The following RBMS3 variants were observed in gnomAD, a reference collection of about 807,000 sequenced individuals.
RBMS3 encodes RNA-binding motif, single-stranded-interacting protein 3.
In RBMS3, 27 loss-of-function variants were observed where a neutral mutation model predicts 66.8. That is an observed-to-expected ratio of 0.40 (90% CI 0.30 to 0.56). The LOEUF (loss-of-function observed/expected upper bound fraction) is 0.56. RBMS3 is among the 20% of genes least tolerant of loss of function. The pLI, the probability that RBMS3 is intolerant of heterozygous loss-of-function variation, is 0.40. For missense variants in RBMS3, 513 were observed against 549.5 expected, an observed-to-expected ratio of 0.93 and a Z score of 0.66; for synonymous variants, 188 against 183.0, an observed-to-expected ratio of 1.03 and a Z score of -0.22.
intron 4 of RBMS3, among the ~76,000 whole-genome samples, chr3:29,666,558 A>G (rs938166179): frequency 1.3e-5 from 2 of 152,202 alleles, no homozygotes; most frequent in Non-Finnish European, 2.9e-5. Flanking sequence ...TGGGTTAATG[A>G]GAAAGCTAAC....
At chr3:29,669,092 G>A (rs943536766) in intron 4 of RBMS3, among the ~76,000 whole-genome samples, 1 of 152,220 alleles carries the variant, frequency 6.6e-6, no homozygotes, top group Non-Finnish European at 1.5e-5. Context: ...CGCCCTCTGG[G>A]TAGGCTTGCT....
intron 6 of RBMS3, among the ~76,000 whole-genome samples, chr3:29,787,471 G>A (rs1385011100): frequency 6.7e-6 from 1 of 150,040 alleles, no homozygotes; most frequent in Non-Finnish European, 1.5e-5. Context: ...AGAAAATGTG[G>A]TATATATACG....
intron 3 of RBMS3, among the ~76,000 whole-genome samples, chr3:29,505,439 A>G (rs981425492): frequency 6.6e-6 from 1 of 150,490 alleles, no homozygotes; most frequent in Non-Finnish European, 1.5e-5. Context: ...TGCCAGTACC[A>G]TACTCTGTTT....
At position 29,711,458 on chromosome 3, in the gene RBMS3, G is replaced by A. The variant is rs933683088; in HGVS notation, c.400-28262G>A. On this transcript the variant is annotated intron_variant, in intron 4 of 14. Coordinates refer to ENST00000383767, the MANE Select transcript of RBMS3 (RefSeq NM_001003793.3). ...GGACTTGGCCTGAGTATGAATAACTGGGTCATGTTCTTGACCTCCAAGAAA... is the reference window on the plus strand; with the variant it reads ...GGACTTGGCCTGAGTATGAATAACTAGGTCATGTTCTTGACCTCCAAGAAA... Among the ~76,000 whole-genome samples the A allele has an allele frequency of 5.9e-5, 9 of 152,270 alleles. No homozygotes were observed. The East Asian group carries it at 1.7e-3, about 29-fold the overall frequency.
chr3:29,881,652 T>C (rs2059739572), intron 7 of RBMS3, among the ~76,000 whole-genome samples: 1 of 152,186 alleles, frequency 6.6e-6, no homozygotes, highest in South Asian at 2.1e-4. Flanking sequence ...ACATAGATTT[T>C]TTCCTTAACA....
intron 6 of RBMS3, among the ~76,000 whole-genome samples, chr3:29,814,915 G>C (rs548293183): frequency 6.6e-6 from 1 of 152,264 alleles, no homozygotes; most frequent in East Asian, 1.9e-4. Context: ...CCTCTCATCT[G>C]CTCTTCCTTG....
intron 3 of RBMS3, among the ~76,000 whole-genome samples, chr3:29,510,742 G>C (rs981612176): frequency 6.6e-6 from 1 of 152,090 alleles, no homozygotes; most frequent in Admixed American, 6.5e-5. Context: ...TTTTGGATTA[G>C]GGATGCTCAA....
intron 1 of RBMS3, among the ~76,000 whole-genome samples, chr3:29,320,792 G>A (rs1340488712): frequency 1.3e-5 from 2 of 151,860 alleles, no homozygotes; most frequent in African/African-American, 2.4e-5. Context: ...GCTATTAAGA[G>A]GTACAGAAAT....
At position 29,928,186 on chromosome 3, in the gene RBMS3, A is replaced by G. The variant is rs975477570; in HGVS notation, c.940-7900A>G. ...GTCTGCTCCTCTTCAAATTTTATAT[A>G]TATATATATATATATATATATATAT... is the stretch of plus-strand genomic sequence containing the variant. On this transcript the variant is annotated intron_variant, in intron 10 of 14. Coordinates refer to ENST00000383767, the MANE Select transcript of RBMS3 (RefSeq NM_001003793.3). Among the ~76,000 whole-genome samples, 350 of 86,778 alleles carry G rather than the reference A, an allele frequency of 4.0e-3. 4 individuals are homozygous for G. Among genetic ancestry groups the G allele is most frequent in the Middle Eastern group, 0.013 (2 of 152 alleles). The allele number at this position is 86,778 out of a possible 152,430, so 56.9% of individuals were successfully genotyped here. A position where few individuals can be genotyped will look rare whatever the true frequency, so the allele number is the denominator to read the frequency against.
intron 4 of RBMS3, among the ~76,000 whole-genome samples, chr3:29,659,156 G>A (rs1343118786): frequency 2.6e-5 from 4 of 152,122 alleles, no homozygotes; most frequent in Admixed American, 2.6e-4. Flanking sequence ...TGAGAAATAA[G>A]TTATATAGAA....
At chr3:29,997,094 C>T (rs201470117) in intron 14 of RBMS3, among the ~76,000 whole-genome samples, 11,857 of 149,578 alleles carry the variant, frequency 0.079, 807 homozygotes, top group East Asian at 0.18. Context: ...ATATCACCAC[C>T]GATCCCACAG....
chr3:29,535,308 T>A (rs898747310), intron 3 of RBMS3, among the ~76,000 whole-genome samples: 4 of 152,194 alleles, frequency 2.6e-5, no homozygotes, highest in African/African-American at 9.6e-5. Context: ...GTTTTCATCT[T>A]GATAATTTGT....
At chr3:29,643,288 G>C (rs575264788) in intron 4 of RBMS3, among the ~76,000 whole-genome samples, 2 of 152,192 alleles carry the variant, frequency 1.3e-5, no homozygotes, top group African/African-American at 4.8e-5. Flanking sequence ...TTCTCAGGCA[G>C]CTAATCACAT....
chr3:29,582,152 A>AGATAGAT (rs1014004346), intron 3 of RBMS3, among the ~76,000 whole-genome samples: 6 of 101,176 alleles, frequency 5.9e-5, no homozygotes, highest in African/African-American at 2.1e-4. Flanking sequence ...ATTCCATTAT[A>AGATAGAT]GATAGATAGA....
intron 4 of RBMS3, among the ~76,000 whole-genome samples, chr3:29,595,397 TAAAAAAA>T (rs551487113): frequency 1.0e-5 from 1 of 99,946 alleles, no homozygotes; most frequent in East Asian, 2.8e-4. Context: ...AGAGTCAGTC[TAAAAAAA>T]AAAAAAAAAA....
intron 1 of RBMS3, among the ~76,000 whole-genome samples, chr3:29,361,865 C>G (rs1000469672): frequency 4.6e-5 from 7 of 152,192 alleles, no homozygotes; most frequent in Admixed American, 1.3e-4. Flanking sequence ...GTGCATTCAT[C>G]ACTTAGTTCT....
At chr3:29,653,001 A>T (rs2050197556) in intron 4 of RBMS3, among the ~76,000 whole-genome samples, 1 of 152,202 alleles carries the variant, frequency 6.6e-6, no homozygotes, top group Non-Finnish European at 1.5e-5. Context: ...CAACTTCTAT[A>T]GTCAAATTCC....
At chr3:29,915,294 A>G (rs1268398836) in intron 10 of RBMS3, among the ~76,000 whole-genome samples, 1 of 151,872 alleles carries the variant, frequency 6.6e-6, no homozygotes, top group Non-Finnish European at 1.5e-5. Context: ...GGTAATGAGA[A>G]CCAGTTTTAC....
chr3:29,751,354 A>G (rs940967970), intron 5 of RBMS3, among the ~76,000 whole-genome samples: 1 of 152,224 alleles, frequency 6.6e-6, no homozygotes, highest in African/African-American at 2.4e-5. Flanking sequence ...TAAACCTTTT[A>G]TAACCTTTTG....
Sources: gnomAD v4.1 joint callset for allele counts (sites outside exome capture counted in the v4.1 genomes callset) on GRCh38, gnomAD v4.1.1 for gene constraint, MANE v1.5 for transcripts, NCBI Gene and HGNC (gene_info 2026-07-23, HGNC 2026-07-21) for gene names.